Variants in ETV6 observed in about 807,000 individuals in gnomAD.
ETV6 encodes transcription factor ETV6.
ETV6 carries 16 observed loss-of-function variants against 51.1 expected under a neutral mutation model. The observed-to-expected ratio is 0.31, with a 90% CI of 0.21 to 0.48. The LOEUF is 0.48. Among genes scored for constraint, ETV6 ranks in the 20% least tolerant of loss-of-function variants. The pLI, the probability that ETV6 is intolerant of heterozygous loss-of-function variation, is 0.99. For missense variants in ETV6, 458 were observed against 594.8 expected (o/e 0.77, Z 2.39); for synonymous variants, 240 against 224.1 (o/e 1.07, Z -0.64).
intron 2 of ETV6, among the ~76,000 whole-genome samples, chr12:11,774,311 C>T (rs919829748): frequency 2.6e-5 from 4 of 152,156 alleles, no homozygotes; most frequent in African/African-American, 7.2e-5. Flanking sequence ...AACAGCCCCA[C>T]CACCTAGGGA....
chr12:11,750,110 G>T (rs866607340), intron 1 of ETV6, among the ~76,000 whole-genome samples: 3 of 152,152 alleles, frequency 2.0e-5, no homozygotes, highest in Non-Finnish European at 4.4e-5. Context: ...CGGGGTTTGC[G>T]GGGGATGGCG....
At chr12:11,888,090 T>A (rs1947226305) in intron 7 of ETV6, among the ~76,000 whole-genome samples, 1 of 152,242 alleles carries the variant, frequency 6.6e-6, no homozygotes, top group South Asian at 2.1e-4. Flanking sequence ...TGTCTGGACT[T>A]CATGATTCAC....
At chr12:11,680,682 T>C (rs755464347) in intron 1 of ETV6, among the ~76,000 whole-genome samples, 3 of 152,208 alleles carry the variant, frequency 2.0e-5, no homozygotes, top group Non-Finnish European at 4.4e-5. Flanking sequence ...GCTTAGAAAC[T>C]AATTAGAGCA....
At chr12:11,757,118 T>C (rs1447482529) in intron 2 of ETV6, among the ~76,000 whole-genome samples, 3 of 152,202 alleles carry the variant, frequency 2.0e-5, no homozygotes, top group Non-Finnish European at 2.9e-5. Context: ...CTCGGCGTTT[T>C]CTGGAGTCAG....
chr12:11,671,479 GA>G (rs1259503853), intron 1 of ETV6, among the ~76,000 whole-genome samples: 1 of 152,140 alleles, frequency 6.6e-6, no homozygotes, highest in African/African-American at 2.4e-5. Flanking sequence ...TGCTTAAGGA[GA>G]ATAATTTGAA....
At chr12:11,700,074 T>G (rs1437522925) in intron 1 of ETV6, among the ~76,000 whole-genome samples, 1 of 152,204 alleles carries the variant, frequency 6.6e-6, no homozygotes, top group Non-Finnish European at 1.5e-5. Flanking sequence ...TAATCAACTT[T>G]GATCCCCTTT....
intron 2 of ETV6, among the ~76,000 whole-genome samples, chr12:11,764,336 C>G (rs1183614209): frequency 6.6e-6 from 1 of 152,152 alleles, no homozygotes; most frequent in Non-Finnish European, 1.5e-5. Flanking sequence ...TTAGACAAAA[C>G]ATTGTGAGCC....
intron 3 of ETV6, 45 bp downstream of exon 3, chr12:11,839,349 T>C: frequency 6.3e-7 from 1 of 1,575,954 alleles, no homozygotes; most frequent in Admixed American, 1.7e-5. Context: ...GGAAAGTCTC[T>C]TAGTTAGTGG....
chr12:11,696,592 A>G (rs1224058880), intron 1 of ETV6, among the ~76,000 whole-genome samples: 1 of 152,164 alleles, frequency 6.6e-6, no homozygotes, highest in Non-Finnish European at 1.5e-5. Context: ...CCGAGGCAAG[A>G]GGATCACTTG....
chr12:11,780,835 G>C (rs1194055304), intron 2 of ETV6, among the ~76,000 whole-genome samples: 3 of 152,224 alleles, frequency 2.0e-5, no homozygotes, highest in African/African-American at 4.8e-5. Context: ...TCTAGTAGAT[G>C]ATTGTAAGTT....
intron 4 of ETV6, among the ~76,000 whole-genome samples, chr12:11,867,964 T>G (rs2136534859): frequency 6.6e-6 from 1 of 152,326 alleles, no homozygotes; most frequent in East Asian, 1.9e-4. Context: ...GACCCAGCCC[T>G]CAGAGCTACT....
At chr12:11,878,483 G>A (rs992339762) in intron 5 of ETV6, among the ~76,000 whole-genome samples, 2 of 152,056 alleles carry the variant, frequency 1.3e-5, no homozygotes, top group African/African-American at 4.8e-5. Context: ...TTCTGACTGC[G>A]GGCTGGATCT....
chr12:11,673,520 A>T (rs1334808809), intron 1 of ETV6, among the ~76,000 whole-genome samples: 2 of 152,246 alleles, frequency 1.3e-5, no homozygotes, highest in African/African-American at 4.8e-5. Context: ...AGTCAGGTCT[A>T]GACCTGGAGT....
chr12:11,760,842 G>A (rs1287317041), intron 2 of ETV6, among the ~76,000 whole-genome samples: 1 of 151,338 alleles, frequency 6.6e-6, no homozygotes, highest in Non-Finnish European at 1.5e-5. Context: ...TTGTTGTGTG[G>A]AAGAAGAAAT....
chr12:11,805,398 A>C (rs190097673), intron 2 of ETV6, among the ~76,000 whole-genome samples: 151 of 151,976 alleles, frequency 9.9e-4, no homozygotes, highest in Admixed American at 2.5e-3. Context: ...TTATTCCTCT[A>C]TCTGGTTTAG....
rs57308697 is a variant in ETV6, at chr12:11,893,794, TTATATATATATATATA to T, written c.*2781_*2796del. On this transcript the variant is annotated 3_prime_UTR_variant, in exon 8 of 8. Transcript: ENST00000396373. ...GTGTCCATCCCCAAGATCTCTCATT[TTATATATATATATATA>T]TATATATATATATATATATATATAT... 0.027 allele frequency: 2,162 copies of T among 79,324 alleles called. 67 individuals are homozygous for T. Among genetic ancestry groups the T allele is most frequent in the African/African-American group, 0.049 (839 of 17,094 alleles). The allele number at this position is 79,324 out of a possible 1,614,324, so 4.9% of individuals were successfully genotyped here.
chr12:11,804,973 G>A (rs926145771), intron 2 of ETV6, among the ~76,000 whole-genome samples: 2 of 152,126 alleles, frequency 1.3e-5, no homozygotes, highest in African/African-American at 2.4e-5. Context: ...GATTTCCACT[G>A]AGTTCCCCTA....
intron 2 of ETV6, among the ~76,000 whole-genome samples, chr12:11,813,822 TG>T (rs911914807): frequency 6.6e-6 from 1 of 152,264 alleles, no homozygotes; most frequent in African/African-American, 2.4e-5. Context: ...AGAGCCTGTG[TG>T]GTTCGAGGCC....
intron 1 of ETV6, among the ~76,000 whole-genome samples, chr12:11,742,805 C>CTTTTTTTT (rs751007395): frequency 1.3e-5 from 1 of 78,682 alleles, no homozygotes; most frequent in African/African-American, 4.9e-5. Context: ...TTCTTTCTTT[C>CTTTTTTTT]TTTTTTTTTT....
Sources: gnomAD v4.1 joint callset for allele counts (sites outside exome capture counted in the v4.1 genomes callset) on GRCh38, gnomAD v4.1.1 for gene constraint, MANE v1.5 for transcripts, NCBI Gene and HGNC (gene_info 2026-07-23, HGNC 2026-07-21) for gene names.